Variants in DECR1 observed in about 807,000 individuals in gnomAD.
DECR1 encodes the protein 2,4-dienoyl-CoA reductase 1.
In DECR1, 44 loss-of-function variants were observed where a neutral mutation model predicts 38.8. The observed-to-expected ratio is 1.13, with a 90% CI of 0.89 to 1.46. The LOEUF (loss-of-function observed/expected upper bound fraction) is 1.46. Among genes scored for constraint, DECR1 ranks in the 40% most tolerant of loss-of-function variants. The pLI is 0.00. For missense variants in DECR1, 428 were observed against 405.5 expected, an observed-to-expected ratio of 1.06 and a Z score of -0.48; for synonymous variants, 148 against 135.2, an observed-to-expected ratio of 1.09 and a Z score of -0.66.
chr8:90,046,035 T>G lies in DECR1; in HGVS notation c.885+1040T>G, dbSNP rs1349397906. Among the ~76,000 whole-genome samples, 3 of 152,158 alleles carry G rather than the reference T, an allele frequency of 2.0e-5. No individual in the cohort carries two copies. In the East Asian group the frequency reaches 5.8e-4, roughly 29 times the overall value. On this transcript the variant is annotated intron_variant, in intron 8 of 9. Transcript: ENST00000220764. ...TCCACACCAAAACCCCGTTTGTATGTCACCATCACGAAAGACCAAAGGCAG... is the reference window on the plus strand; with the variant it reads ...TCCACACCAAAACCCCGTTTGTATGGCACCATCACGAAAGACCAAAGGCAG...
intron 1 of DECR1, among the ~76,000 whole-genome samples, chr8:90,009,188 T>C (rs1025629618): frequency 6.6e-6 from 1 of 152,158 alleles, no homozygotes; most frequent in African/African-American, 2.4e-5. Context: ...TCCTTCCTTC[T>C]TCTCCAGCCA....
intron 4 of DECR1, among the ~76,000 whole-genome samples, chr8:90,020,547 C>T (rs1232375254): frequency 1.3e-5 from 2 of 152,130 alleles, no homozygotes; most frequent in Non-Finnish European, 2.9e-5. Flanking sequence ...TGCCACCACA[C>T]CCAGCTAATT....
At chr8:90,051,261 G>T (rs1205246941) in intron 8 of DECR1, among the ~76,000 whole-genome samples, 2 of 151,920 alleles carry the variant, frequency 1.3e-5, no homozygotes. Flanking sequence ...ATGGCTGAAG[G>T]GGAAGAGTCA....
At chr8:90,034,942 TATC>T (rs1190645462) in intron 5 of DECR1, among the ~76,000 whole-genome samples, 2 of 152,222 alleles carry the variant, frequency 1.3e-5, no homozygotes, top group Non-Finnish European at 2.9e-5. Flanking sequence ...TTCTCTATAA[TATC>T]ATTTTCATAT....
chr8:90,011,417 CT>C (rs1486863239), intron 1 of DECR1, among the ~76,000 whole-genome samples: 1 of 152,120 alleles, frequency 6.6e-6, no homozygotes, highest in Non-Finnish European at 1.5e-5. Context: ...TTTAATGAAT[CT>C]CTTTGGCTAT....
At chr8:90,034,446 G>A (rs1234835729) in intron 5 of DECR1, among the ~76,000 whole-genome samples, 3 of 151,820 alleles carry the variant, frequency 2.0e-5, no homozygotes, top group African/African-American at 7.3e-5. Context: ...TTATTTGTTT[G>A]TTTGTTTATT....
chr8:90,034,532 T>TCCTC (rs1234102131), intron 5 of DECR1, among the ~76,000 whole-genome samples: 1 of 152,054 alleles, frequency 6.6e-6, no homozygotes, highest in Non-Finnish European at 1.5e-5. Flanking sequence ...GCTCACTGCA[T>TCCTC]CCTCTGCCTC....
rs1813068252 is a variant in DECR1 at position 90,018,626 on chromosome 8, A to G, written c.273-283A>G. On this transcript the variant is annotated intron_variant, in intron 2 of 9. Coordinates refer to ENST00000220764, the MANE Select transcript of DECR1 (RefSeq NM_001359.2). ...AACCTACTAACATTATACCATGAAT[A>G]TATTTTCTTTGTAAACCTGGCTTAT... 9.8e-6 allele frequency: 3 copies of G among 306,692 alleles called. No individual in the cohort carries two copies. The Admixed American group carries it at 1.4e-4, about 14-fold the overall frequency. The allele number at this position is 306,692 out of a possible 1,614,324, so 19.0% of individuals were successfully genotyped here.
chr8:90,050,994 G>A (rs1195528198), intron 8 of DECR1, among the ~76,000 whole-genome samples: 1 of 152,040 alleles, frequency 6.6e-6, no homozygotes, highest in African/African-American at 2.4e-5. Context: ...TGGACACAGG[G>A]TGGTGAACAT....
intron 8 of DECR1, among the ~76,000 whole-genome samples, chr8:90,045,462 G>A (rs990276649): frequency 1.3e-5 from 2 of 152,196 alleles, no homozygotes; most frequent in African/African-American, 4.8e-5. Flanking sequence ...GAACTGCAGG[G>A]TGGCAGTGAG....
chr8:90,014,956 G>A (rs965896368), intron 1 of DECR1, among the ~76,000 whole-genome samples: 6 of 152,058 alleles, frequency 3.9e-5, no homozygotes, highest in African/African-American at 1.4e-4. Flanking sequence ...TTGGCAAAAG[G>A]ATATGAAAAG....
At chr8:90,017,529 T>C (rs992643238) in intron 2 of DECR1, among the ~76,000 whole-genome samples, 1 of 152,246 alleles carries the variant, frequency 6.6e-6, no homozygotes, top group Non-Finnish European at 1.5e-5. Flanking sequence ...ATGAAAATTG[T>C]GGAACTGATG....
intron 5 of DECR1, among the ~76,000 whole-genome samples, chr8:90,026,534 A>G (rs1023432098): frequency 6.6e-6 from 1 of 152,106 alleles, no homozygotes; most frequent in Non-Finnish European, 1.5e-5. Flanking sequence ...GTATTCTCTG[A>G]TGAGAGTTTG....
rs1354482321 is a variant in DECR1, at chr8:90,003,155, G to A, written c.69+1594G>A. 3 of 152,206 alleles carry A rather than the reference G, an allele frequency of 2.0e-5. No individual in the cohort carries two copies. The East Asian group carries it at 5.8e-4, about 29-fold the overall frequency. The allele number at this position is 152,206 out of a possible 1,614,324, so 9.4% of individuals were successfully genotyped here. On this transcript the variant is annotated intron_variant, in intron 1 of 9. Coordinates refer to ENST00000220764, the MANE Select transcript of DECR1 (RefSeq NM_001359.2). The stretch of plus-strand genomic sequence containing the variant: ...CCCTTCCTAGCACATGTAGCCTCAA[G>A]TTTGAATTCCTGGGAGAAGAAAAGT...
At chr8:90,033,566 C>T (rs1440294518) in intron 5 of DECR1, among the ~76,000 whole-genome samples, 6 of 151,996 alleles carry the variant, frequency 3.9e-5, no homozygotes, top group Admixed American at 1.3e-4. Context: ...TTTTTGAAGC[C>T]GATAATTGTT....
intron 7 of DECR1, 118 bp from the exon 8 acceptor site, chr8:90,044,731 C>A: frequency 1.0e-6 from 1 of 973,772 alleles, no homozygotes; most frequent in Non-Finnish European, 1.4e-6. Context: ...TTTTTACTTA[C>A]AAAGCCTAAG....
intron 1 of DECR1, among the ~76,000 whole-genome samples, chr8:90,014,186 A>G (rs1045358627): frequency 2.6e-5 from 4 of 152,250 alleles, no homozygotes; most frequent in Admixed American, 6.5e-5. Flanking sequence ...TCTAAAAACC[A>G]TAAAGCAAGA....
chr8:90,044,852 GC>G lies in DECR1; in HGVS notation c.744del (p.Phe249LeufsTer14). ...IQPGPIKTKG[A>X]FSRLDPTGTF... is the part of the protein sequence containing the mutation. ...AATTGTTTTCTTAATTTCTAAGGGTGCCTTTAGCCGTCTGGACCCAACTGGA... is the reference window on the plus strand; with the variant it reads ...AATTGTTTTCTTAATTTCTAAGGGTGCTTTAGCCGTCTGGACCCAACTGGA... On this transcript the variant is annotated frameshift_variant, in exon 8 of 10. Coordinates refer to ENST00000220764, the MANE Select transcript of DECR1 (RefSeq NM_001359.2). LOFTEE classifies it high-confidence loss of function. The G allele has an allele frequency of 6.2e-7, 1 of 1,606,960 alleles. No individual in the cohort carries two copies. Among genetic ancestry groups the G allele is most frequent in the Non-Finnish European group, 8.5e-7 (1 of 1,177,216 alleles).
At chr8:90,028,040 T>C (rs1813398620) in intron 5 of DECR1, among the ~76,000 whole-genome samples, 1 of 152,162 alleles carries the variant, frequency 6.6e-6, no homozygotes, top group Non-Finnish European at 1.5e-5. Flanking sequence ...GCTTCTTAGC[T>C]TCTGTGCTTG....
Sources: gnomAD v4.1 joint callset for allele counts (sites outside exome capture counted in the v4.1 genomes callset) on GRCh38, gnomAD v4.1.1 for gene constraint, MANE v1.5 for transcripts, NCBI Gene and HGNC (gene_info 2026-07-23, HGNC 2026-07-21) for gene names.